WASHC2A: variants seen among roughly 807,000 people sequenced by gnomAD.
The protein encoded by WASHC2A is WASH complex subunit FAM21A.
Under a neutral mutation model 140.3 loss-of-function variants are expected in WASHC2A, and 82 were observed. The ratio of observed to expected loss-of-function variants is 0.58; its 90% CI spans 0.49 to 0.70. The LOEUF (loss-of-function observed/expected upper bound fraction) is 0.70, where lower values mean the gene tolerates loss of function less well. Ranked by LOEUF, WASHC2A falls within the 30% of genes least tolerant of loss-of-function variation. The pLI is 0.00. For missense variants in WASHC2A, 985 were observed against 1,521.8 expected (o/e 0.65, Z 5.87); for synonymous variants, 340 against 560.8 (o/e 0.61, Z 5.56).
chr10:50,106,018 A>G (rs1367484117), intron 18 of WASHC2A, among the ~76,000 whole-genome samples: 1 of 152,208 alleles, frequency 6.6e-6, no homozygotes, highest in Non-Finnish European at 1.5e-5. Flanking sequence ...TGAAATGAGC[A>G]GAGAGGCACT....
intron 13 of WASHC2A, 93 bp from the exon 14 acceptor site, chr10:50,095,055 A>G: frequency 6.2e-7 from 1 of 1,601,186 alleles, no homozygotes; most frequent in East Asian, 2.2e-5. Context: ...GTCTGATACT[A>G]GCTGTGTTTT....
intron 20 of WASHC2A, chr10:50,112,138 C>G: frequency 1.5e-5 from 15 of 984,708 alleles, no homozygotes; most frequent in Non-Finnish European, 1.8e-5. Flanking sequence ...TGAGCATTTT[C>G]TGCACTGTAT....
At chr10:50,090,538 T>TTATATATATATATATATTTATATA (rs1287651401) in intron 8 of WASHC2A, among the ~76,000 whole-genome samples, 1 of 85,530 alleles carries the variant, frequency 1.2e-5, no homozygotes, top group East Asian at 2.0e-4. Flanking sequence ...ATATTTATAT[T>TTATATATATATATATATTTATATA]TATATATATA....
chr10:50,106,085 T>C (rs2805194), intron 18 of WASHC2A, among the ~76,000 whole-genome samples: 5 of 151,354 alleles, frequency 3.3e-5, no homozygotes, highest in South Asian at 2.1e-4. Flanking sequence ...TGATCTCATT[T>C]GCATGTTGTT....
At chr10:50,071,856 A>G (rs1378609522) in intron 3 of WASHC2A, among the ~76,000 whole-genome samples, 2 of 145,826 alleles carry the variant, frequency 1.4e-5, no homozygotes, top group African/African-American at 2.5e-5. Context: ...TTTCTGTCCA[A>G]TACTGGGGAT....
rs1273255408 is a variant in WASHC2A, at chr10:50,097,699, T to C, written c.1445T>C (p.Ile482Thr). Residue 482 changes from isoleucine (I) to threonine (T), a missense_variant, in exon 16 of 31, where the codon ATC becomes ACC. By Grantham distance (89) the Ile-to-Thr change is moderately conservative. Coordinates refer to ENST00000282633, the MANE Select transcript of WASHC2A (RefSeq NM_001005751.3). Reference sequence around the variant, plus strand: ...GGCAAAGTCCAATCCACTGCCGATATCTTTGGTGACGAAGAAGGAGATCTG... The same window carrying C: ...GGCAAAGTCCAATCCACTGCCGATACCTTTGGTGACGAAGAAGGAGATCTG... ...KTGKVQSTAD[I>T]FGDEEGDLFK... 6.3e-6 allele frequency: 10 copies of C among 1,598,890 alleles called. No individual in the cohort carries two copies. The highest frequency in any genetic ancestry group is 8.5e-6 in the Non-Finnish European group (10 of 1,172,884).
At chr10:50,078,794 A>C in intron 4 of WASHC2A, 57 bp downstream of exon 4, 5 of 1,611,566 alleles carry the variant, frequency 3.1e-6, no homozygotes, top group Non-Finnish European at 4.2e-6. Flanking sequence ...TGTGGTGGAG[A>C]TCGATGTGTT....
intron 3 of WASHC2A, among the ~76,000 whole-genome samples, chr10:50,077,265 G>A (rs1163554618): frequency 1.3e-5 from 2 of 152,226 alleles, no homozygotes; most frequent in East Asian, 3.9e-4. Flanking sequence ...CTGCACTCCA[G>A]CCTGGGTGAC....
In WASHC2A at chr10:50,068,088, C is replaced by A. The variant is rs1290665213; in HGVS notation, c.4-17C>A. ...CGCCCTCAGGCTCAGCTTCTCTTCT[C>A]GTTTTTTTCGCTGCAGATGAACCGG... On this transcript the variant is annotated splice_polypyrimidine_tract_variant and intron_variant, in intron 1 of 30. Transcript: ENST00000282633. 6 of 1,608,930 alleles carry A rather than the reference C, an allele frequency of 3.7e-6. No individual in the cohort carries two copies. Among genetic ancestry groups the A allele is most frequent in the South Asian group, 3.3e-5 (3 of 90,826 alleles).
Position 50,133,208 on chromosome 10 carries a change from T to G in WASHC2A, c.*263T>G. On this transcript the variant is annotated 3_prime_UTR_variant, in exon 31 of 31. Transcript: ENST00000282633. ...AGTTAGCCTTGCTGGGGCCATAATA[T>G]GCTTCAGGGTGTGTAAAAGAAGAAA... is the stretch of plus-strand genomic sequence containing the variant. 1 of 595,538 alleles carries G rather than the reference T, an allele frequency of 1.7e-6. No homozygotes were observed. Among genetic ancestry groups the G allele is most frequent in the Non-Finnish European group, 3.0e-6 (1 of 329,896 alleles). 36.9% of individuals were successfully genotyped at this position (595,538 alleles called of 1,614,324 possible).
intron 3 of WASHC2A, among the ~76,000 whole-genome samples, chr10:50,071,559 C>A (rs1837819313): frequency 6.6e-6 from 1 of 151,894 alleles, no homozygotes; most frequent in South Asian, 2.1e-4. Context: ...CCCACCTCGG[C>A]CTCCCAAAGT....
chr10:50,130,823 C>T, intron 29 of WASHC2A, 78 bp from the exon 30 acceptor site: 1 of 1,600,756 alleles, frequency 6.2e-7, no homozygotes. Context: ...ATTGTATTTC[C>T]ATAGCTCGTT....
chr10:50,110,906 A>G (rs1337162415), intron 20 of WASHC2A, among the ~76,000 whole-genome samples: 4 of 150,726 alleles, frequency 2.7e-5, no homozygotes, highest in Admixed American at 6.6e-5. Flanking sequence ...AAAAAAAAAA[A>G]AAAAAAAAAA....
At chr10:50,131,142 T>C (rs2258399) in intron 30 of WASHC2A, 64 bp downstream of exon 30, 8 of 1,611,866 alleles carry the variant, frequency 5.0e-6, no homozygotes, top group Non-Finnish European at 6.8e-6. Context: ...GGTATTTTTC[T>C]TGCTACCTTT....
chr10:50,117,267 A>G (rs2132968278), intron 21 of WASHC2A, among the ~76,000 whole-genome samples: 1 of 39,570 alleles, frequency 2.5e-5, no homozygotes, highest in South Asian at 1.1e-3. Context: ...TGCTTATTCA[A>G]CAAAGCAACT....
In WASHC2A at chr10:50,126,155, C is replaced by T; in HGVS notation, c.2787C>T (p.Gly929=). ...CCATTCAAGGTAGTAAAGAAAAAGG[C>T]ATATGGAAGCCGGAAACACCTCAGG... ...PESIQGSKEK[G]IWKPETPQDS... The change falls in exon 26 of 31, where the codon GGC becomes GGT. Residue 929 remains glycine, a synonymous_variant. Coordinates refer to ENST00000282633, the MANE Select transcript of WASHC2A (RefSeq NM_001005751.3). 1 of 1,613,438 alleles carries T rather than the reference C, an allele frequency of 6.2e-7. No individual in the cohort carries two copies. Among genetic ancestry groups the T allele is most frequent in the Non-Finnish European group, 8.5e-7 (1 of 1,179,708 alleles).
Position 50,068,216 on chromosome 10 carries a change from G to C in WASHC2A, c.115G>C (p.Ala39Pro). 1 of 1,580,306 alleles carries C rather than the reference G, an allele frequency of 6.3e-7. No homozygotes were observed. Among genetic ancestry groups the C allele is most frequent in the South Asian group, 1.1e-5 (1 of 88,590 alleles). ...GAGCAGCCAGAGCTGGTCGCTGGCG[G>C]CCGACGCGGGCGTGAGAGGCGGGCC... ...RRSSQSWSLA[A>P]DAGLLQFLQE... The change falls in exon 2 of 31, where the codon GCC (alanine) becomes CCC (proline). Residue 39 changes from alanine (A) to proline (P), a missense_variant. Ala to Pro is a conservative substitution (Grantham distance 27). Transcript: ENST00000282633.
intron 19 of WASHC2A, among the ~76,000 whole-genome samples, chr10:50,108,889 GAAAAAA>G (rs1182148936): frequency 4.0e-5 from 3 of 75,648 alleles, no homozygotes; most frequent in East Asian, 5.5e-4. Context: ...CTCGAAAAAG[GAAAAAA>G]AAAAAAAAAA....
At chr10:50,082,387 A>G (rs1365611792) in intron 5 of WASHC2A, among the ~76,000 whole-genome samples, 1 of 151,548 alleles carries the variant, frequency 6.6e-6, no homozygotes, top group Non-Finnish European at 1.5e-5. Context: ...AAGAGATATC[A>G]TTGCCAAAGG....
Sources: gnomAD v4.1 joint callset for allele counts (sites outside exome capture counted in the v4.1 genomes callset) on GRCh38, gnomAD v4.1.1 for gene constraint, MANE v1.5 for transcripts, NCBI Gene and HGNC (gene_info 2026-07-23, HGNC 2026-07-21) for gene names.